PRKDC: variants seen among roughly 807,000 people sequenced by gnomAD.
PRKDC encodes the protein DNA-dependent protein kinase catalytic subunit.
A neutral mutation model predicts 486.9 loss-of-function variants in PRKDC; 82 were observed. The observed-to-expected ratio is 0.17, with a 90% confidence interval of 0.14 to 0.20. The LOEUF is 0.20. Among genes scored for constraint, PRKDC ranks in the 10% least tolerant of loss-of-function variants. The pLI is 1.00. For synonymous variants in PRKDC, 1,895 were observed against 1,837.0 expected (o/e 1.03, Z -0.81); for missense variants, 4,504 against 5,038.2 (o/e 0.89, Z 3.21).
chr8:47,862,719 A>C (rs112142713), intron 42 of PRKDC, among the ~76,000 whole-genome samples, 178 bp from the exon 43 acceptor site: 3 of 152,352 alleles, frequency 2.0e-5, no homozygotes, highest in African/African-American at 7.2e-5. Flanking sequence ...ATCTCACAGC[A>C]AAGGCAGCAT....
chr8:47,943,187 A>G, intron 10 of PRKDC, 22 bp downstream of exon 10: 3 of 1,604,220 alleles, frequency 1.9e-6, no homozygotes, highest in Non-Finnish European at 1.7e-6. Flanking sequence ...ATATTGTTAA[A>G]TGACAGTTGA....
At chr8:47,954,074 C>G (rs915033406) in intron 5 of PRKDC, among the ~76,000 whole-genome samples, 155 bp from the exon 6 acceptor site, 5 of 152,118 alleles carry the variant, frequency 3.3e-5, no homozygotes, top group African/African-American at 1.2e-4. Context: ...TGCATTCTTT[C>G]CTAAGTTTTA....
rs192086316 is a variant in PRKDC, at chr8:47,886,807, C to G, written c.4573-660G>C. On this transcript the variant is annotated intron_variant, in intron 35 of 85. Transcript: ENST00000314191. ...GGCTCAAGCGATCTTCCCACCTCAG[C>G]CTCTTGTGTAGCTGGGACTACAAGC... Among the ~76,000 whole-genome samples the G allele has an allele frequency of 4.3e-4, 65 of 152,168 alleles. No homozygotes were observed. In the East Asian group the frequency reaches 0.012, roughly 28 times the overall value.
At chr8:47,776,426 A>T (rs2086609345) in intron 85 of PRKDC, among the ~76,000 whole-genome samples, 1 of 152,202 alleles carries the variant, frequency 6.6e-6, no homozygotes, top group Admixed American at 6.5e-5. Flanking sequence ...GCCAACCCAA[A>T]TTGAATTCTC....
chr8:47,958,736 CTT>C (rs35991452), intron 1 of PRKDC, among the ~76,000 whole-genome samples: 25 of 138,484 alleles, frequency 1.8e-4, no homozygotes, highest in Admixed American at 2.2e-4. Context: ...TATATAGCAT[CTT>C]TTTTTTTTTT....
At position 47,949,563 on chromosome 8, in the gene PRKDC, A is replaced by G. The variant is rs181664344; in HGVS notation, c.721+4057T>C. ...AGCCAAGTAAACATAAAGACAAATAAGCAACATCACCTGCCAACAGGGTCA... is the reference window on the plus strand; with the variant it reads ...AGCCAAGTAAACATAAAGACAAATAGGCAACATCACCTGCCAACAGGGTCA... On this transcript the variant is annotated intron_variant, in intron 7 of 85. Coordinates refer to ENST00000314191, the MANE Select transcript of PRKDC (RefSeq NM_006904.7). Among the ~76,000 whole-genome samples the G allele has an allele frequency of 1.2e-4, 19 of 152,362 alleles. No individual in the cohort carries two copies. In the East Asian group the frequency reaches 3.5e-3, roughly 28 times the overall value.
chr8:47,866,716 C>T (rs1242653476), intron 40 of PRKDC, among the ~76,000 whole-genome samples: 1 of 152,070 alleles, frequency 6.6e-6, no homozygotes, highest in Non-Finnish European at 1.5e-5. Context: ...AACAGATACA[C>T]TAGTATATTA....
chr8:47,883,114 A>G (rs541955310), intron 36 of PRKDC, among the ~76,000 whole-genome samples: 10 of 152,336 alleles, frequency 6.6e-5, no homozygotes, highest in African/African-American at 1.9e-4. Flanking sequence ...GAGAGTGCAC[A>G]GGGACCTCTT....
At chr8:47,909,453 A>G (rs2089856212) in intron 25 of PRKDC, among the ~76,000 whole-genome samples, 2 of 152,200 alleles carry the variant, frequency 1.3e-5, no homozygotes, top group South Asian at 4.1e-4. Context: ...TCACCTCAGG[A>G]CCACTACCGT....
Position 47,892,162 on chromosome 8 carries a change from G to A in PRKDC, c.3847+977C>T, listed in dbSNP as rs148105334. On this transcript the variant is annotated intron_variant, in intron 31 of 85. Coordinates refer to ENST00000314191, the MANE Select transcript of PRKDC (RefSeq NM_006904.7). Reference sequence around the variant, plus strand: ...TGGGATTACAGGTGTGAGCCACCGCGTCCGGCCATGAACAAGTTTTTTTAA... The same window carrying A: ...TGGGATTACAGGTGTGAGCCACCGCATCCGGCCATGAACAAGTTTTTTTAA... Among the ~76,000 whole-genome samples the A allele has an allele frequency of 7.9e-3, 1,194 of 151,864 alleles. 12 individuals carry two copies. The highest frequency in any genetic ancestry group is 0.027 in the African/African-American group (1,112 of 41,406).
intron 36 of PRKDC, among the ~76,000 whole-genome samples, chr8:47,884,528 G>C (rs2089287508): frequency 6.6e-6 from 1 of 152,184 alleles, no homozygotes; most frequent in Non-Finnish European, 1.5e-5. Context: ...GGAATTTAGG[G>C]AAGGAATAGA....
chr8:47,888,399 C>G (rs1414523463), intron 34 of PRKDC, 119 bp downstream of exon 34: 2 of 842,730 alleles, frequency 2.4e-6, no homozygotes, highest in Non-Finnish European at 3.4e-6. Context: ...GCAAGTATTT[C>G]TATAATTCCC....
At chr8:47,780,447 T>G (rs1002530096) in intron 80 of PRKDC, among the ~76,000 whole-genome samples, 3 of 152,202 alleles carry the variant, frequency 2.0e-5, no homozygotes, top group Admixed American at 1.3e-4. Context: ...ACACGTATGT[T>G]TAAGTACTTT....
chr8:47,908,917 T>G (rs1371318640), intron 25 of PRKDC, among the ~76,000 whole-genome samples: 1 of 152,202 alleles, frequency 6.6e-6, no homozygotes, highest in East Asian at 1.9e-4. Flanking sequence ...CCCCTCTTCC[T>G]TACCCTAACT....
intron 31 of PRKDC, among the ~76,000 whole-genome samples, chr8:47,891,363 C>T (rs373016581): frequency 6.6e-6 from 1 of 152,230 alleles, no homozygotes; most frequent in Admixed American, 6.5e-5. Flanking sequence ...CAACTGACCT[C>T]GTTAAAAATA....
intron 74 of PRKDC, among the ~76,000 whole-genome samples, chr8:47,790,847 C>G (rs1241042455): frequency 6.6e-6 from 1 of 152,144 alleles, no homozygotes; most frequent in Non-Finnish European, 1.5e-5. Flanking sequence ...CCTGGGAAAA[C>G]TGGGTATCCA....
chr8:47,805,673 T>C (rs1000424395), intron 69 of PRKDC, among the ~76,000 whole-genome samples: 3 of 152,010 alleles, frequency 2.0e-5, no homozygotes, highest in African/African-American at 7.3e-5. Context: ...GTTGCTTATA[T>C]GGATGTCTTT....
chr8:47,913,388 C>T (rs146830392), intron 24 of PRKDC, among the ~76,000 whole-genome samples: 36 of 152,098 alleles, frequency 2.4e-4, no homozygotes, highest in Admixed American at 6.5e-4. Flanking sequence ...GGTATATTAA[C>T]GTTTTGAAAG....
At chr8:47,953,981 C>A in intron 5 of PRKDC, 62 bp from the exon 6 acceptor site, 1 of 851,276 alleles carries the variant, frequency 1.2e-6, no homozygotes, top group Non-Finnish European at 1.8e-6. Flanking sequence ...TTAAACTAAC[C>A]AAAATGTATG....
Sources: allele counts gnomAD v4.1 joint callset (sites outside exome capture counted in the v4.1 genomes callset), GRCh38; gene constraint gnomAD v4.1.1; transcripts MANE v1.5; gene names NCBI Gene and HGNC (gene_info 2026-07-23, HGNC 2026-07-21).